The following OTUD7B variants were observed in gnomAD, a reference collection of about 807,000 sequenced individuals.
OTUD7B encodes the protein OTU domain-containing protein 7B.
A neutral mutation model predicts 82.2 loss-of-function variants in OTUD7B; 34 were observed. That is an observed-to-expected ratio of 0.41 (90% confidence interval 0.31 to 0.55). OTUD7B has a LOEUF of 0.55. Among genes scored for constraint, OTUD7B ranks in the 20% least tolerant of loss-of-function variants. The probability of loss-of-function intolerance (pLI) is 0.20; values close to 1 mark genes in which losing one functional copy is unlikely to be tolerated. For missense variants in OTUD7B, 944 were observed against 1,062.1 expected, an observed-to-expected ratio of 0.89 and a Z score of 1.55; for synonymous variants, 398 against 402.7, an observed-to-expected ratio of 0.99 and a Z score of 0.14.
chr1:149,950,799 C>CTT (rs782415026), intron 7 of OTUD7B, among the ~76,000 whole-genome samples: 116,267 of 127,966 alleles, frequency 0.91, 53,015 homozygotes, highest in South Asian at 0.97. Context: ...GTTTTTTTTT[C>CTT]TTTTTTTTTT....
chr1:149,968,466 A>G (rs1553777073), intron 3 of OTUD7B, among the ~76,000 whole-genome samples: 1 of 152,188 alleles, frequency 6.6e-6, no homozygotes, highest in African/African-American at 2.4e-5. Context: ...TTTGTTTTGA[A>G]TACATGACAC....
chr1:150,056,411 A>T, the OTUD7B span, among the ~76,000 whole-genome samples: 1 of 152,212 alleles, frequency 6.6e-6, no homozygotes, highest in Non-Finnish European at 1.5e-5. Flanking sequence ...AAATATTTTT[A>T]TATTCCATTT....
intron 7 of OTUD7B, among the ~76,000 whole-genome samples, chr1:149,950,803 T>TTC (rs1414710578): frequency 7.2e-6 from 1 of 139,126 alleles, no homozygotes; most frequent in African/African-American, 2.7e-5. Flanking sequence ...TTTTTTCTTT[T>TTC]TTTTTTTTGA....
the OTUD7B span, among the ~76,000 whole-genome samples, chr1:150,026,597 G>A: frequency 1.3e-4 from 20 of 152,148 alleles, no homozygotes; most frequent in African/African-American, 4.8e-4. Context: ...TGTGACCTAT[G>A]AGAGCCCTTT....
the OTUD7B span, among the ~76,000 whole-genome samples, chr1:150,028,265 A>C: frequency 1.3e-5 from 2 of 152,250 alleles, no homozygotes; most frequent in African/African-American, 4.8e-5. Flanking sequence ...GCTCAAGCTA[A>C]AGTGATCATT....
chr1:149,967,669 G>T, intron 3 of OTUD7B, 148 bp from the exon 4 acceptor site: 1 of 535,812 alleles, frequency 1.9e-6, no homozygotes, highest in Non-Finnish European at 3.2e-6. Context: ...CCCTTTTTCT[G>T]AAGCCAAATA....
chr1:149,959,730 T>C lies in OTUD7B; in HGVS notation c.799A>G (p.Ser267Gly). The C allele has an allele frequency of 6.2e-7, 1 of 1,614,128 alleles. No homozygotes were observed. Among genetic ancestry groups the C allele is most frequent in the Non-Finnish European group, 8.5e-7 (1 of 1,179,964 alleles). ...EWNELIKLASSEPRMHLGTNG... is the reference protein window; with the variant it reads ...EWNELIKLASGEPRMHLGTNG... ...GTACCTAGATGCATTCGGGGTTCAC[T>C]TGAGGCAAGCTTGATCAGTTCATTC... Residue 267 changes from serine to glycine, a missense_variant, in exon 7 of 12, where the codon AGT becomes GGT. Around this residue, in one of 3 missense-constraint regions of OTUD7B, gnomAD observed 530 missense variants for 625.6 expected, o/e 0.85. Transcript: ENST00000581312.
chr1:150,026,730 A>G, the OTUD7B span, among the ~76,000 whole-genome samples: 1 of 152,222 alleles, frequency 6.6e-6, no homozygotes, highest in African/African-American at 2.4e-5. Context: ...CCAGTACGGA[A>G]AGAGAAAAGT....
At chr1:149,957,950 T>C (rs187037903) in intron 7 of OTUD7B, among the ~76,000 whole-genome samples, 38 of 152,354 alleles carry the variant, frequency 2.5e-4, no homozygotes, top group Middle Eastern at 3.4e-3. Context: ...TTCCCTTGGC[T>C]AGGAAAGGGA....
the OTUD7B span, chr1:150,054,022 G>T: frequency 5.7e-6 from 2 of 351,170 alleles, no homozygotes; most frequent in Non-Finnish European, 5.3e-6. Flanking sequence ...TTGTCAGAGG[G>T]ATTGGCAGAT....
At chr1:150,000,580 T>TAAATTCA (rs1553784502) in intron 1 of OTUD7B, among the ~76,000 whole-genome samples, 1 of 152,140 alleles carries the variant, frequency 6.6e-6, no homozygotes, top group Non-Finnish European at 1.5e-5. Flanking sequence ...TAGATCTACC[T>TAAATTCA]GTAGACACAT....
chr1:149,949,950 A>G, intron 8 of OTUD7B, 144 bp downstream of exon 8: 2 of 1,294,568 alleles, frequency 1.5e-6, no homozygotes, highest in Non-Finnish European at 2.1e-6. Context: ...GAATCTCTTG[A>G]GAATTTTGCA....
chr1:150,033,816 G>A, the OTUD7B span, among the ~76,000 whole-genome samples: 5 of 152,074 alleles, frequency 3.3e-5, no homozygotes, highest in African/African-American at 1.2e-4. Context: ...CCACCTCCCA[G>A]GTTTAAGCGA....
At chr1:149,989,098 A>C (rs1651384122) in intron 1 of OTUD7B, among the ~76,000 whole-genome samples, 1 of 152,234 alleles carries the variant, frequency 6.6e-6, no homozygotes, top group Non-Finnish European at 1.5e-5. Flanking sequence ...TTGGTTATCC[A>C]CAGGAAATTA....
the OTUD7B span, among the ~76,000 whole-genome samples, chr1:150,042,876 T>C: frequency 6.6e-6 from 1 of 152,184 alleles, no homozygotes; most frequent in East Asian, 1.9e-4. Flanking sequence ...TTATAGCCAA[T>C]GTCCCTAAAC....
At chr1:150,008,758 T>G (rs907841757) in intron 1 of OTUD7B, among the ~76,000 whole-genome samples, 3 of 152,182 alleles carry the variant, frequency 2.0e-5, no homozygotes, top group Non-Finnish European at 4.4e-5. Context: ...GTGGTGATAA[T>G]CAAAAATGAG....
chr1:149,952,773 A>G (rs1181047515), intron 7 of OTUD7B, among the ~76,000 whole-genome samples: 4 of 151,862 alleles, frequency 2.6e-5, no homozygotes, highest in Admixed American at 1.3e-4. Context: ...TCTCATTGTG[A>G]TTTTGATTTG....
chr1:149,976,905 G>A (rs1003094006), intron 2 of OTUD7B, among the ~76,000 whole-genome samples: 2 of 152,064 alleles, frequency 1.3e-5, no homozygotes, highest in Admixed American at 6.6e-5. Context: ...CAGATTACCT[G>A]AGGTAAGGAG....
intron 2 of OTUD7B, among the ~76,000 whole-genome samples, chr1:149,974,273 T>C (rs139231026): frequency 5.8e-4 from 89 of 152,182 alleles, no homozygotes; most frequent in African/African-American, 2.0e-3. Context: ...TAATTCCACC[T>C]CCTTCTATCT....
Sources: gnomAD v4.1 joint callset for allele counts (sites outside exome capture counted in the v4.1 genomes callset) on GRCh38, gnomAD v4.1.1 for gene constraint, gnomAD v4.1.1 regional missense constraint, MANE v1.5 for transcripts, NCBI Gene and HGNC (gene_info 2026-07-23, HGNC 2026-07-21) for gene names.